Variants in TENM1 observed in about 807,000 individuals in gnomAD.
TENM1 encodes the protein teneurin-1.
In TENM1, 35 loss-of-function variants were observed where a neutral mutation model predicts 174.8. The ratio of observed to expected loss-of-function variants is 0.20; its 90% CI spans 0.15 to 0.27. The LOEUF (loss-of-function observed/expected upper bound fraction) is 0.27. Ranked by LOEUF, TENM1 falls within the 10% of genes least tolerant of loss-of-function variation. TENM1 has a pLI of 1.00. For missense variants in TENM1, 1,633 were observed against 2,130.1 expected, an observed-to-expected ratio of 0.77 and a Z score of 4.59; for synonymous variants, 781 against 798.7, an observed-to-expected ratio of 0.98 and a Z score of 0.37.
chrX:124,497,990 C>G lies in TENM1; in HGVS notation c.3446-725G>C, dbSNP rs147849650. On this transcript the variant is annotated intron_variant, in intron 19 of 31. Coordinates refer to ENST00000422452, the Ensembl canonical transcript of TENM1. ...CCATCCAGAGTTCTTAACTGACATG[C>G]CATTTCCTTCTAGACCTCTTTACTT... 6.3e-5 allele frequency among the ~76,000 whole-genome samples: 7 copies of G among 111,345 alleles called. No homozygotes were observed. In the Admixed American group the frequency reaches 6.7e-4, roughly 11 times the overall value.
chrX:125,076,584 G>T, the TENM1 span, among the ~76,000 whole-genome samples: 1 of 111,254 alleles, frequency 9.0e-6, no homozygotes, highest in South Asian at 3.8e-4. Context: ...TGGTAAAATT[G>T]CAGCTCGGCC....
chrX:124,712,070 T>C (rs2053066036), intron 4 of TENM1, among the ~76,000 whole-genome samples: 1 of 112,303 alleles, frequency 8.9e-6, no homozygotes, highest in Non-Finnish European at 1.9e-5. Context: ...ATGTACCATA[T>C]TTTGTTTATC....
the TENM1 span, among the ~76,000 whole-genome samples, chrX:125,176,033 G>C: frequency 9.0e-6 from 1 of 111,682 alleles, no homozygotes; most frequent in Non-Finnish European, 1.9e-5. Context: ...GTCCTCTGCA[G>C]CTTGGTTATT....
At chrX:125,203,991 C>T in the TENM1 span, 1 of 113,273 alleles carries the variant, frequency 8.8e-6, no homozygotes, top group Non-Finnish European at 1.9e-5. Flanking sequence ...TGCTCTCCTC[C>T]GGCTGCTGGC....
chrX:124,813,517 G>C (rs1266635690), intron 3 of TENM1, among the ~76,000 whole-genome samples: 1 of 111,678 alleles, frequency 9.0e-6, no homozygotes, highest in East Asian at 2.8e-4. Flanking sequence ...GTATGTTTTT[G>C]TAATAACAAA....
the TENM1 span, among the ~76,000 whole-genome samples, chrX:125,137,823 A>G: frequency 9.0e-6 from 1 of 111,098 alleles, no homozygotes; most frequent in Non-Finnish European, 1.9e-5. Flanking sequence ...GAGTTACTCT[A>G]CACCTTCCAT....
At chrX:124,982,325 T>C in the TENM1 span, among the ~76,000 whole-genome samples, 2 of 95,387 alleles carry the variant, frequency 2.1e-5, no homozygotes, top group African/African-American at 7.2e-5. Context: ...GAACTAAAAA[T>C]GTTCCACAAA....
intron 4 of TENM1, among the ~76,000 whole-genome samples, chrX:124,728,770 T>C (rs2053498863): frequency 8.9e-6 from 1 of 111,818 alleles, no homozygotes; most frequent in East Asian, 2.8e-4. Flanking sequence ...TGGTTAAATA[T>C]GAAGATGCTA....
At chrX:124,980,314 G>A in the TENM1 span, among the ~76,000 whole-genome samples, 4 of 111,393 alleles carry the variant, frequency 3.6e-5, no homozygotes, top group African/African-American at 6.5e-5. Context: ...ACTGATAAGC[G>A]CTGGGTTCAT....
At chrX:125,167,077 G>A in the TENM1 span, among the ~76,000 whole-genome samples, 1 of 111,618 alleles carries the variant, frequency 9.0e-6, no homozygotes, top group Non-Finnish European at 1.9e-5. Context: ...AAAATCTGGA[G>A]GAAAACTGGA....
intron 3 of TENM1, among the ~76,000 whole-genome samples, chrX:124,880,108 G>A (rs930556052): frequency 2.7e-5 from 3 of 111,509 alleles, no homozygotes; most frequent in African/African-American, 6.5e-5. Context: ...CATAAGGATT[G>A]CATTGAATCT....
rs995382267 is a variant in TENM1 at position 124,546,152 on chromosome X, T to C, written c.2651+722A>G. ...CCTGGACAAATACTTTCCATGTTTC[T>C]TAAAAATTCCTGTTTGCAACAGTCT... On this transcript the variant is annotated intron_variant, in intron 15 of 31. Coordinates refer to ENST00000422452, the Ensembl canonical transcript of TENM1. 2.7e-5 allele frequency among the ~76,000 whole-genome samples: 3 copies of C among 112,047 alleles called. No homozygotes were observed. The Admixed American group carries it at 2.9e-4, about 11-fold the overall frequency.
At chrX:124,694,761 CATGGTTAGGG>C (rs1215132146) in intron 5 of TENM1, among the ~76,000 whole-genome samples, 3 of 111,549 alleles carry the variant, frequency 2.7e-5, no homozygotes, top group Non-Finnish European at 5.7e-5. Context: ...GAGAGTCATC[CATGGTTAGGG>C]CCATGATTTG....
the TENM1 span, among the ~76,000 whole-genome samples, chrX:125,026,350 C>T: frequency 9.0e-6 from 1 of 111,288 alleles, no homozygotes; most frequent in Non-Finnish European, 1.9e-5. Context: ...CACTAACATA[C>T]TCCAAGGAAA....
chrX:124,561,422 A>C (rs7049312), intron 14 of TENM1, among the ~76,000 whole-genome samples: 4,231 of 111,005 alleles, frequency 0.038, 231 homozygotes, highest in African/African-American at 0.13. Context: ...CCTATACCTC[A>C]TAGGGTTATT....
At chrX:124,587,737 T>G (rs1016606412) in intron 11 of TENM1, among the ~76,000 whole-genome samples, 13 of 111,011 alleles carry the variant, frequency 1.2e-4, no homozygotes, top group Non-Finnish European at 2.5e-4. Context: ...GAAACTACCA[T>G]CAGAGTGAAC....
chrX:124,801,077 T>C (rs956262654), intron 3 of TENM1, among the ~76,000 whole-genome samples: 1 of 111,730 alleles, frequency 9.0e-6, no homozygotes, highest in Non-Finnish European at 1.9e-5. Context: ...ATTCTGTTGA[T>C]TTGGGGTGGA....
chrX:124,413,949 CT>C (rs2060565249), intron 25 of TENM1, among the ~76,000 whole-genome samples: 2 of 111,975 alleles, frequency 1.8e-5, no homozygotes, highest in African/African-American at 6.5e-5. Context: ...GCTTGTTTAT[CT>C]TGCCCCCTAC....
the TENM1 span, among the ~76,000 whole-genome samples, chrX:124,978,688 C>T: frequency 1.8e-5 from 2 of 111,642 alleles, no homozygotes; most frequent in African/African-American, 3.3e-5. Flanking sequence ...TCAATGATTG[C>T]GCAGAGGTTG....
Sources: allele counts gnomAD v4.1 joint callset (sites outside exome capture counted in the v4.1 genomes callset), GRCh38; gene constraint gnomAD v4.1.1; transcripts MANE v1.5; gene names NCBI Gene and HGNC (gene_info 2026-07-23, HGNC 2026-07-21).